Variants in SHISA6 observed in about 807,000 individuals in gnomAD.
SHISA6 encodes the protein protein shisa-6.
Under a neutral mutation model 47.9 loss-of-function variants are expected in SHISA6, and 22 were observed. The observed-to-expected ratio is 0.46, with a 90% confidence interval of 0.33 to 0.66. The LOEUF is 0.66. Among genes scored for constraint, SHISA6 ranks in the 30% least tolerant of loss-of-function variants. The pLI is 0.02. For missense variants in SHISA6, 680 were observed against 764.6 expected (o/e 0.89, Z 1.30); for synonymous variants, 388 against 337.8 (o/e 1.15, Z -1.63).
intron 1 of SHISA6, among the ~76,000 whole-genome samples, chr17:11,255,889 A>C (rs1020553934): frequency 6.6e-6 from 1 of 152,246 alleles, no homozygotes; most frequent in Non-Finnish European, 1.5e-5. Flanking sequence ...TTATTAGTCA[A>C]ATATTTATGT....
intron 2 of SHISA6, among the ~76,000 whole-genome samples, chr17:11,321,827 A>G (rs983001218): frequency 2.6e-5 from 4 of 152,194 alleles, no homozygotes; most frequent in African/African-American, 9.7e-5. Context: ...ATGTGGCCCA[A>G]CACAAATTCC....
Position 11,296,445 on chromosome 17 carries a change from G to A in SHISA6, c.799+32919G>A, listed in dbSNP as rs978977325. 9.2e-5 allele frequency among the ~76,000 whole-genome samples: 14 copies of A among 152,272 alleles called. 1 individual carries two copies. Among genetic ancestry groups the A allele is most frequent in the Non-Finnish European group, 1.9e-4 (13 of 68,016 alleles). ...TTGATTTGTGTATGGATTGGGTGTG[G>A]GGATTGTATGGATTAGAAAGGGAGT... On this transcript the variant is annotated intron_variant, in intron 2 of 5. Coordinates refer to ENST00000441885, the MANE Select transcript of SHISA6 (RefSeq NM_207386.4).
chr17:11,241,953 C>T lies in SHISA6; in HGVS notation c.531C>T (p.Thr177=), dbSNP rs901018491. ...YDPEKDKTNF[T]VYITCGVIAF... ...CGGAGAAGGACAAGACCAACTTCAC[C>T]GTCTACATCACCTGCGGGGTGATCG... Residue 177 remains threonine, a synonymous_variant, in exon 1 of 6, where the codon ACC becomes ACT. Coordinates refer to ENST00000441885, the MANE Select transcript of SHISA6 (RefSeq NM_207386.4). The surrounding 1 kb of genome is among the most constrained non-coding windows in gnomAD (Gnocchi z 5.5). 4 of 1,550,978 alleles carry T rather than the reference C, an allele frequency of 2.6e-6. No individual in the cohort carries two copies. The highest frequency in any genetic ancestry group is 1.2e-5 in the South Asian group (1 of 84,060).
At chr17:11,473,616 T>TA (rs200716255) in intron 3 of SHISA6, among the ~76,000 whole-genome samples, 2,845 of 152,128 alleles carry the variant, frequency 0.019, 44 homozygotes, top group South Asian at 0.033. Flanking sequence ...AATTAATTTT[T>TA]TATATATATC....
intron 3 of SHISA6, among the ~76,000 whole-genome samples, chr17:11,546,965 T>G (rs990883594): frequency 1.3e-5 from 2 of 152,086 alleles, no homozygotes; most frequent in Non-Finnish European, 2.9e-5. Context: ...GAAAGGGTTA[T>G]TTAATGTCGA....
chr17:11,392,697 T>C (rs910949916), intron 3 of SHISA6, among the ~76,000 whole-genome samples: 1 of 152,238 alleles, frequency 6.6e-6, no homozygotes, highest in South Asian at 2.1e-4. Flanking sequence ...GGTATTCTGA[T>C]ACAGCAACAC....
At chr17:11,391,503 T>C (rs1364727261) in intron 3 of SHISA6, among the ~76,000 whole-genome samples, 1 of 152,114 alleles carries the variant, frequency 6.6e-6, no homozygotes, top group Non-Finnish European at 1.5e-5. Context: ...AAAGCAGACC[T>C]CTGTGTGTGG....
intron 3 of SHISA6, among the ~76,000 whole-genome samples, chr17:11,416,101 A>G (rs1597502465): frequency 6.6e-6 from 1 of 152,080 alleles, no homozygotes; most frequent in African/African-American, 2.4e-5. Context: ...CTCTACCTTC[A>G]TGACTTAATT....
intron 2 of SHISA6, among the ~76,000 whole-genome samples, chr17:11,315,919 T>C (rs902847378): frequency 5.3e-5 from 8 of 152,200 alleles, no homozygotes; most frequent in African/African-American, 1.9e-4. Flanking sequence ...CTGAATTTTT[T>C]GTTAATCATT....
intron 2 of SHISA6, among the ~76,000 whole-genome samples, chr17:11,296,858 C>A (rs905274422): frequency 1.3e-5 from 2 of 151,992 alleles, no homozygotes; most frequent in Non-Finnish European, 2.9e-5. Flanking sequence ...GTCCCAGAAG[C>A]TAGAGAAGAG....
chr17:11,423,159 T>C (rs1234614988), intron 3 of SHISA6, among the ~76,000 whole-genome samples: 1 of 150,582 alleles, frequency 6.6e-6, no homozygotes, highest in African/African-American at 2.4e-5. Context: ...CTGAGCAAAG[T>C]GGGAAGCATA....
intron 3 of SHISA6, among the ~76,000 whole-genome samples, chr17:11,484,402 T>TTTG (rs926236348): frequency 1.3e-5 from 2 of 151,962 alleles, no homozygotes; most frequent in African/African-American, 2.4e-5. Context: ...AAAAAGGGTT[T>TTTG]TTGTTGTTGT....
chr17:11,272,900 A>G (rs993622589), intron 2 of SHISA6, among the ~76,000 whole-genome samples: 6 of 152,174 alleles, frequency 3.9e-5, no homozygotes, highest in Non-Finnish European at 8.8e-5. Flanking sequence ...TCCAGATCCA[A>G]GGTGGTGGCA....
chr17:11,280,206 G>A (rs772349200), intron 2 of SHISA6, among the ~76,000 whole-genome samples: 7 of 152,152 alleles, frequency 4.6e-5, no homozygotes, highest in Non-Finnish European at 8.8e-5. Flanking sequence ...TAGGATCTAC[G>A]ATGGCTGTGA....
chr17:11,501,261 C>T (rs928389030), intron 3 of SHISA6, among the ~76,000 whole-genome samples: 2 of 151,956 alleles, frequency 1.3e-5, no homozygotes, highest in Admixed American at 6.6e-5. Flanking sequence ...TACAGGTATC[C>T]GCCACCACGC....
At chr17:11,429,219 C>A (rs1914685031) in intron 3 of SHISA6, among the ~76,000 whole-genome samples, 1 of 152,134 alleles carries the variant, frequency 6.6e-6, no homozygotes, top group Non-Finnish European at 1.5e-5. Flanking sequence ...GCCACATGGG[C>A]CCCTCCAACA....
chr17:11,335,174 C>T (rs1191383199), intron 2 of SHISA6, among the ~76,000 whole-genome samples: 1 of 152,212 alleles, frequency 6.6e-6, no homozygotes, highest in Non-Finnish European at 1.5e-5. Flanking sequence ...ACTCGCAACC[C>T]ATAGCCTTGG....
At position 11,376,619 on chromosome 17, in the gene SHISA6, C is replaced by G. The variant is rs566084062; in HGVS notation, c.800-2795C>G. On this transcript the variant is annotated intron_variant, in intron 2 of 5. Transcript: ENST00000441885. The stretch of plus-strand genomic sequence containing the variant: ...GATTACAGACGTGAGCCACTGCGCC[C>G]GGCCTGGGGCTTCCCTTTTAACCAG... Among the ~76,000 whole-genome samples, 19 of 152,300 alleles carry G rather than the reference C, an allele frequency of 1.2e-4. No homozygotes were observed. The South Asian group carries it at 3.7e-3, about 30-fold the overall frequency.
rs533200824 is a variant in SHISA6, at chr17:11,561,330, G to T, written c.*3026G>T. On this transcript the variant is annotated 3_prime_UTR_variant, in exon 6 of 6. Transcript: ENST00000441885. ...CTCTAACAGAAATGAACTGGAATCT[G>T]CACAGGTTCTCTCCTGCCCTGAAAG... 6.6e-6 allele frequency: 1 copy of T among 152,276 alleles called. No individual in the cohort carries two copies. The highest frequency in any genetic ancestry group is 1.5e-5 in the Non-Finnish European group (1 of 68,102). The allele number at this position is 152,276 out of a possible 1,614,324, so 9.4% of individuals were successfully genotyped here.
Sources: gnomAD v4.1 joint callset for allele counts (sites outside exome capture counted in the v4.1 genomes callset) on GRCh38, gnomAD v4.1.1 for gene constraint, Gnocchi (gnomAD v3.1) non-coding constraint, MANE v1.5 for transcripts, NCBI Gene and HGNC (gene_info 2026-07-23, HGNC 2026-07-21) for gene names.